The following SMTN variants were observed in gnomAD, a reference collection of about 807,000 sequenced individuals.
SMTN encodes smoothelin.
Under a neutral mutation model 102.0 loss-of-function variants are expected in SMTN, and 58 were observed. The observed-to-expected ratio is 0.57, with a 90% CI of 0.46 to 0.71. The LOEUF (loss-of-function observed/expected upper bound fraction) is 0.71, where lower values mean the gene tolerates loss of function less well. Ranked by LOEUF, SMTN falls within the 30% of genes least tolerant of loss-of-function variation. The pLI is 0.00. For synonymous variants in SMTN, 478 were observed against 497.9 expected, an observed-to-expected ratio of 0.96 and a Z score of 0.53; for missense variants, 1,185 against 1,241.7, an observed-to-expected ratio of 0.95 and a Z score of 0.69.
intron 6 of SMTN, among the ~76,000 whole-genome samples, chr22:31,089,419 G>A (rs1019752414): frequency 5.9e-5 from 9 of 152,172 alleles, no homozygotes; most frequent in East Asian, 1.9e-4. Context: ...TAAGGCTCCC[G>A]TCCCCAATAG....
rs766739653 is a variant in SMTN at position 31,097,019 on chromosome 22, G to T, written c.2048G>T (p.Arg683Leu). ...VHSNDGTRTA[R>L]TTTVESSFVR... ...GCAGATGATGGCACACGGACGGCCC[G>T]CACCACCACAGTGGAGTCGAGTTTC... Residue 683 changes from arginine to leucine, a missense_variant, in exon 15 of 21, where the codon CGC (arginine) becomes CTC (leucine). By Grantham distance (102) the Arg-to-Leu change is moderately radical (BLOSUM62 -2). Around this residue, in one of 2 missense-constraint regions of SMTN, gnomAD observed 1,096 missense variants for 1,112.7 expected, o/e 0.98. Coordinates refer to ENST00000333137, the MANE Select transcript of SMTN (RefSeq NM_134269.3). 6.2e-7 allele frequency: 1 copy of T among 1,614,114 alleles called. No homozygotes were observed. The highest frequency in any genetic ancestry group is 1.3e-5 in the African/African-American group (1 of 75,032).
Position 31,091,312 on chromosome 22 carries a change from C to G in SMTN, c.1289C>G (p.Ala430Gly), listed in dbSNP as rs1285280971. 2 of 1,603,652 alleles carry G rather than the reference C, an allele frequency of 1.2e-6. No homozygotes were observed. The highest frequency in any genetic ancestry group is 1.7e-6 in the Non-Finnish European group (2 of 1,176,612). The change falls in exon 10 of 21, where the codon GCA becomes GGA. Residue 430 changes from alanine to glycine, a missense_variant. This residue lies in a region of SMTN where 1,096 missense variants were observed against 1,112.7 expected (regional missense o/e 0.98). Coordinates refer to ENST00000333137, the MANE Select transcript of SMTN (RefSeq NM_134269.3). ...GCTGCTAGGCCCCTTGAAAACAGAG[C>G]AGGGGGGCCTGTGGCACGTTCAGAG... ...GLAARPLENRAGGPVARSEEP... is the reference protein window; with the variant it reads ...GLAARPLENRGGGPVARSEEP...
intron 2 of SMTN, among the ~76,000 whole-genome samples, chr22:31,083,859 G>A (rs762235198): frequency 5.3e-5 from 8 of 152,326 alleles, no homozygotes; most frequent in South Asian, 2.1e-4. Context: ...AGTGGGCCAC[G>A]GGGGACCAGA....
chr22:31,082,289 T>G (rs1263376934), intron 1 of SMTN: 1 of 290,668 alleles, frequency 3.4e-6, no homozygotes, highest in Non-Finnish European at 7.0e-6. Context: ...AGATCTGCGC[T>G]GGGAGGCTGG....
At chr22:31,080,256 C>T (rs563039575), upstream of SMTN, among the ~76,000 whole-genome samples, 4 of 152,268 alleles carry the variant, frequency 2.6e-5, no homozygotes, top group Non-Finnish European at 4.4e-5. Flanking sequence ...CAGAATCCCA[C>T]ATTATAGTGG....
At chr22:31,094,685 G>A (rs1400752267) in intron 11 of SMTN, among the ~76,000 whole-genome samples, 1 of 142,120 alleles carries the variant, frequency 7.0e-6, no homozygotes, top group Admixed American at 7.1e-5. Flanking sequence ...TTTTTTTTCC[G>A]GTCTTGTTTT....
chr22:31,104,565 G>A lies in SMTN; in HGVS notation c.*270G>A. 1 of 1,209,442 alleles carries A rather than the reference G, an allele frequency of 8.3e-7. No individual in the cohort carries two copies. Among genetic ancestry groups the A allele is most frequent in the Middle Eastern group, 2.1e-4 (1 of 4,670 alleles). 74.9% of individuals were successfully genotyped at this position (1,209,442 alleles called of 1,614,324 possible). On this transcript the variant is annotated 3_prime_UTR_variant, in exon 21 of 21. Transcript: ENST00000333137. ...TCCGCCCACCGCTGCCCTGTCTGTT[G>A]CGACACCCTCCCCCCCACATACACA...
At chr22:31,073,935 C>G (rs1198220908) in intron 1 of SMTN, among the ~76,000 whole-genome samples, 1 of 152,206 alleles carries the variant, frequency 6.6e-6, no homozygotes, top group East Asian at 1.9e-4. Context: ...TAACTAGTCC[C>G]TGTTCCAGTG....
intron 1 of SMTN, among the ~76,000 whole-genome samples, chr22:31,070,123 A>G (rs1022776862): frequency 6.6e-6 from 1 of 152,116 alleles, no homozygotes; most frequent in Non-Finnish European, 1.5e-5. Context: ...TGCAAATCAG[A>G]TCTGATCACC....
intron 2 of SMTN, among the ~76,000 whole-genome samples, chr22:31,086,073 G>A (rs1195050518): frequency 6.6e-6 from 1 of 152,222 alleles, no homozygotes; most frequent in Non-Finnish European, 1.5e-5. Context: ...GCCTCCAAAT[G>A]TACCACAGAA....
intron 18 of SMTN, chr22:31,099,382 A>T: frequency 3.4e-6 from 2 of 595,404 alleles, no homozygotes; most frequent in Non-Finnish European, 6.0e-6. Context: ...GTGATGAAGT[A>T]ACAGGGCCTC....
At chr22:31,071,934 G>A (rs1384409852) in intron 1 of SMTN, among the ~76,000 whole-genome samples, 3 of 151,906 alleles carry the variant, frequency 2.0e-5, no homozygotes, top group African/African-American at 4.8e-5. Flanking sequence ...GGACTCAAGC[G>A]ATCCTCCCAC....
rs1312378401 is a variant in SMTN, at chr22:31,100,887, C to A, written c.2606C>A (p.Thr869Asn). The A allele has an allele frequency of 6.3e-7, 1 of 1,579,676 alleles. No homozygotes were observed. Among genetic ancestry groups the A allele is most frequent in the African/African-American group, 1.3e-5 (1 of 74,116 alleles). Residue 869 changes from threonine (T) to asparagine (N), a missense_variant and splice_region_variant, in exon 20 of 21, where the codon ACC becomes AAC. Coordinates refer to ENST00000333137, the MANE Select transcript of SMTN (RefSeq NM_134269.3). The part of the protein sequence containing the change: ...NFEVAFSSAE[T>N]HADCPQLLDT... ...TCCCGGCCCCCTACCCTCCCCAGGACCCATGCGGACTGCCCGCAGCTCCTG... is the reference window on the plus strand; with the variant it reads ...TCCCGGCCCCCTACCCTCCCCAGGAACCATGCGGACTGCCCGCAGCTCCTG...
chr22:31,096,120 C>T (rs1287452078), intron 13 of SMTN: 1 of 176,352 alleles, frequency 5.7e-6, no homozygotes, highest in East Asian at 1.8e-4. Flanking sequence ...CAAACACTCT[C>T]AATTACTCCT....
At chr22:31,075,447 G>A (rs757428030) in intron 1 of SMTN, among the ~76,000 whole-genome samples, 3 of 152,076 alleles carry the variant, frequency 2.0e-5, no homozygotes, top group Non-Finnish European at 2.9e-5. Context: ...TTGGGAGTCC[G>A]AGGCAGGTGG....
chr22:31,076,361 T>G (rs1204376187), upstream of SMTN, among the ~76,000 whole-genome samples: 1 of 152,220 alleles, frequency 6.6e-6, no homozygotes, highest in Non-Finnish European at 1.5e-5. Flanking sequence ...TCTACAGGTC[T>G]TCATGCCTCC....
chr22:31,084,972 C>G lies in SMTN; in HGVS notation c.51+1663C>G, dbSNP rs1468104302. On this transcript the variant is annotated intron_variant, in intron 2 of 20. Coordinates refer to ENST00000333137, the MANE Select transcript of SMTN (RefSeq NM_134269.3). Reference sequence around the variant, plus strand: ...CCGGGCCATATAAGGAAAAGCTAGGCCCGCTCCGCCCGCCCTGCGCCCCAG... The same window carrying G: ...CCGGGCCATATAAGGAAAAGCTAGGGCCGCTCCGCCCGCCCTGCGCCCCAG... 6 of 1,454,956 alleles carry G rather than the reference C, an allele frequency of 4.1e-6. No individual in the cohort carries two copies. In the East Asian group the frequency reaches 1.6e-4, roughly 38 times the overall value. The allele number at this position is 1,454,956 out of a possible 1,614,324, so 90.1% of individuals were successfully genotyped here.
chr22:31,087,838 G>A (rs996646790), intron 2 of SMTN, 127 bp from the exon 3 acceptor site: 7 of 1,060,452 alleles, frequency 6.6e-6, no homozygotes, highest in East Asian at 2.7e-5. Flanking sequence ...AGGCAGGCAC[G>A]TGAAGAGCTT....
chr22:31,091,569 AG>A, intron 10 of SMTN, 87 bp downstream of exon 10: 1 of 1,508,960 alleles, frequency 6.6e-7, no homozygotes, highest in Non-Finnish European at 8.9e-7. Flanking sequence ...GCCAGGACTC[AG>A]GGTGTCTCCA....
Sources: gnomAD v4.1 joint callset for allele counts (sites outside exome capture counted in the v4.1 genomes callset) on GRCh38, gnomAD v4.1.1 for gene constraint, gnomAD v4.1.1 regional missense constraint, MANE v1.5 for transcripts, NCBI Gene and HGNC (gene_info 2026-07-23, HGNC 2026-07-21) for gene names.